The following OSBPL3 variants were observed in gnomAD, a reference collection of about 807,000 sequenced individuals.
The protein encoded by OSBPL3 is oxysterol binding protein like 3, also known as oxysterol-binding protein-related protein 3.
Under a neutral mutation model 120.1 loss-of-function variants are expected in OSBPL3, and 65 were observed. That is an observed-to-expected ratio of 0.54 (90% CI 0.44 to 0.67). The LOEUF is 0.67. Ranked by LOEUF, OSBPL3 falls within the 30% of genes least tolerant of loss-of-function variation. OSBPL3 has a pLI of 0.00. For synonymous variants in OSBPL3, 416 were observed against 402.6 expected, an observed-to-expected ratio of 1.03 and a Z score of -0.40; for missense variants, 1,004 against 1,082.1, an observed-to-expected ratio of 0.93 and a Z score of 1.01.
At chr7:24,878,195 C>G (rs1012838681) in intron 2 of OSBPL3, among the ~76,000 whole-genome samples, 4 of 152,216 alleles carry the variant, frequency 2.6e-5, no homozygotes, top group Admixed American at 1.3e-4. Flanking sequence ...TCCAGCACAG[C>G]TGTTTCCACA....
chr7:24,859,248 A>C (rs1273452144), intron 10 of OSBPL3, among the ~76,000 whole-genome samples: 2 of 152,174 alleles, frequency 1.3e-5, no homozygotes, highest in South Asian at 2.1e-4. Flanking sequence ...GTAGGAAAGG[A>C]AGGCAATAGA....
intron 22 of OSBPL3, among the ~76,000 whole-genome samples, chr7:24,801,279 A>G (rs576216666): frequency 7.3e-5 from 11 of 150,592 alleles, no homozygotes; most frequent in African/African-American, 2.7e-4. Flanking sequence ...ATTGAAAGCC[A>G]TAAGAGTCTG....
intron 1 of OSBPL3, among the ~76,000 whole-genome samples, chr7:24,951,961 A>G (rs935921106): frequency 2.2e-4 from 34 of 152,220 alleles, no homozygotes; most frequent in African/African-American, 8.0e-4. Flanking sequence ...TTTTATTCCA[A>G]CATGAATGAG....
rs1279755236 is a variant in OSBPL3 at position 24,855,229 on chromosome 7, G to T, written c.1028-2595C>A. Among the ~76,000 whole-genome samples the T allele has an allele frequency of 6.6e-6, 1 of 151,972 alleles. No individual in the cohort carries two copies. Among genetic ancestry groups the T allele is most frequent in the Non-Finnish European group, 1.5e-5 (1 of 67,998 alleles). On this transcript the variant is annotated intron_variant, in intron 10 of 22. Transcript: ENST00000313367. This position sits in a 1 kb window ranked among gnomAD's most constrained non-coding sequence, Gnocchi z 4.3. ...CAGGATGCCCATGGCCATCTCAGTGGGTCCCCTGGGGAGCTACCTCTCACT... is the reference window on the plus strand; with the variant it reads ...CAGGATGCCCATGGCCATCTCAGTGTGTCCCCTGGGGAGCTACCTCTCACT...
chr7:24,910,154 T>A (rs186206166), intron 1 of OSBPL3, among the ~76,000 whole-genome samples: 1 of 152,254 alleles, frequency 6.6e-6, no homozygotes, highest in East Asian at 1.9e-4. Flanking sequence ...TGGCCTGAAA[T>A]AATCCCAAAT....
At position 24,840,780 on chromosome 7, in the gene OSBPL3, A is replaced by T. The variant is rs369878781; in HGVS notation, c.1405T>A (p.Ser469Thr). The change falls in exon 14 of 23, where the codon TCT (serine) becomes ACT (threonine). Residue 469 changes from serine (S) to threonine (T), a missense_variant. Around this residue, in one of 4 missense-constraint regions of OSBPL3, gnomAD observed 473 missense variants for 568.0 expected, o/e 0.83. Transcript: ENST00000313367. ...LSPSSSENEI[S>T]DDDSYVSDIS... Reference sequence around the variant, plus strand: ...TCACTGACATATGAGTCATCATCAGAAATCTATGGGAAAGAAGAAATAACA... The same window carrying T: ...TCACTGACATATGAGTCATCATCAGTAATCTATGGGAAAGAAGAAATAACA... 1.5e-6 allele frequency: 2 copies of T among 1,354,368 alleles called. No homozygotes were observed. Among genetic ancestry groups the T allele is most frequent in the African/African-American group, 3.0e-5 (2 of 67,562 alleles). 83.9% of individuals were successfully genotyped at this position (1,354,368 alleles called of 1,614,324 possible). A position where few individuals can be genotyped will look rare whatever the true frequency, so the allele number is the denominator to read the frequency against.
At chr7:24,847,238 C>T (rs1798566281) in intron 12 of OSBPL3, among the ~76,000 whole-genome samples, 1 of 152,146 alleles carries the variant, frequency 6.6e-6, no homozygotes, top group Non-Finnish European at 1.5e-5. Flanking sequence ...AGTTTTCAGT[C>T]TGGGAGGCCA....
chr7:24,823,353 T>C (rs1795335351), intron 16 of OSBPL3, among the ~76,000 whole-genome samples: 1 of 151,410 alleles, frequency 6.6e-6, no homozygotes, highest in South Asian at 2.1e-4. Context: ...TACACTCATT[T>C]AAAAAATCAA....
At chr7:24,848,289 T>C (rs1219342008) in intron 12 of OSBPL3, among the ~76,000 whole-genome samples, 1 of 152,258 alleles carries the variant, frequency 6.6e-6, no homozygotes, top group East Asian at 1.9e-4. Flanking sequence ...ACACCTCTTG[T>C]CTATTACCTG....
In OSBPL3 at chr7:24,806,781, G is replaced by A. The variant is rs749943543; in HGVS notation, c.2439C>T (p.Asp813=). 1.9e-6 allele frequency: 3 copies of A among 1,613,258 alleles called. No individual in the cohort carries two copies. Among genetic ancestry groups the A allele is most frequent in the Admixed American group, 1.7e-5 (1 of 59,898 alleles). The change falls in exon 21 of 23, where the codon GAC becomes GAT. Residue 813 remains aspartate, a synonymous_variant. Transcript: ENST00000313367. This position sits in a 1 kb window ranked among gnomAD's most constrained non-coding sequence, Gnocchi z 5.2. Reference sequence around the variant, plus strand: ...AATCTTTAAAAAATCCTTACCTCTGGTCTGGCCTAAATCGAGTGTCAGTAG... The same window carrying A: ...AATCTTTAAAAAATCCTTACCTCTGATCTGGCCTAAATCGAGTGTCAGTAG... ...LPPTDTRFRP[D]QRFLEEGNLE... is the part of the protein sequence containing the mutation.
rs139394185 is a variant in OSBPL3, at chr7:24,938,639, GTTGTTTGTTTGT to G, written c.-150+41235_-150+41246del. On this transcript the variant is annotated intron_variant, in intron 1 of 22. Transcript: ENST00000313367. The surrounding 1 kb of genome is among the most constrained non-coding windows in gnomAD (Gnocchi z 5.8). ...CAAAAGGGTATACCTCCCAGCTGAA[GTTGTTTGTTTGT>G]TTGTTTGTTTGTTTTTAGGCTTCCT... 2.0e-5 allele frequency among the ~76,000 whole-genome samples: 3 copies of G among 151,928 alleles called. No homozygotes were observed. The highest frequency in any genetic ancestry group is 2.9e-5 in the Non-Finnish European group (2 of 67,980).
chr7:24,887,460 A>T (rs1003238678), intron 2 of OSBPL3, among the ~76,000 whole-genome samples: 3 of 152,206 alleles, frequency 2.0e-5, no homozygotes, highest in African/African-American at 7.2e-5. Flanking sequence ...TAATTATACC[A>T]GTTTCTTAAA....
chr7:24,966,981 T>C lies in OSBPL3; in HGVS notation c.-150+12905A>G, dbSNP rs1816460288. Among the ~76,000 whole-genome samples the C allele has an allele frequency of 6.6e-6, 1 of 152,172 alleles. No individual in the cohort carries two copies. Among genetic ancestry groups the C allele is most frequent in the Admixed American group, 6.5e-5 (1 of 15,290 alleles). ...AAACATCCCCTAAGTGACTAATACA[T>C]AAGATAAGCAATACACTGCCACACA... is the stretch of plus-strand genomic sequence containing the variant. On this transcript the variant is annotated intron_variant, in intron 1 of 22. Transcript: ENST00000313367. This position sits in a 1 kb window ranked among gnomAD's most constrained non-coding sequence, Gnocchi z 4.8.
rs1792769366 is a variant in OSBPL3, at chr7:24,804,394, G to A, written c.2488C>T (p.Gln830Ter). The change falls in exon 22 of 23, where the codon CAG (glutamine) becomes TAG (stop). Residue 830 changes from glutamine to a stop codon, truncating the protein, a stop_gained. Transcript: ENST00000313367. LOFTEE classifies it high-confidence loss of function. The surrounding 1 kb of genome is among the most constrained non-coding windows in gnomAD (Gnocchi z 5.4). ...GNLEEAEIQK[Q>*]RIEQLQRERR... ...TCTCTCTGCAGTTGTTCAATCCTCT[G>A]CTTTTGTATTTCAGCTTCTTCTAAG... 1.2e-6 allele frequency: 2 copies of A among 1,613,778 alleles called. No individual in the cohort carries two copies. The highest frequency in any genetic ancestry group is 8.5e-7 in the Non-Finnish European group (1 of 1,179,844).
chr7:24,839,205 A>G (rs1797387770), intron 14 of OSBPL3, among the ~76,000 whole-genome samples: 1 of 152,198 alleles, frequency 6.6e-6, no homozygotes, highest in African/African-American at 2.4e-5. Flanking sequence ...TGAGTATCCA[A>G]TGCATAGTGC....
intron 1 of OSBPL3, among the ~76,000 whole-genome samples, chr7:24,917,434 CATATATATATAT>C (rs751716988): frequency 4.9e-4 from 40 of 82,216 alleles, no homozygotes; most frequent in African/African-American, 1.5e-3. Context: ...ATATTTGTAA[CATATATATATAT>C]ACACACACAT....
At position 24,824,497 on chromosome 7, in the gene OSBPL3, C is replaced by G. The variant is rs114153757; in HGVS notation, c.1885-4259G>C. On this transcript the variant is annotated intron_variant, in intron 16 of 22. Coordinates refer to ENST00000313367, the MANE Select transcript of OSBPL3 (RefSeq NM_015550.4). This position sits in a 1 kb window ranked among gnomAD's most constrained non-coding sequence, Gnocchi z 4.9. ...GCATAACTATCCAGTCCTCCTAGGT[C>G]CTGATTTCCCTGCAGCAATACAGGG... 3.3e-3 allele frequency among the ~76,000 whole-genome samples: 499 copies of G among 152,280 alleles called. 4 individuals are homozygous for G. Among genetic ancestry groups the G allele is most frequent in the African/African-American group, 0.011 (462 of 41,554 alleles).
rs993966806 is a variant in OSBPL3, at chr7:24,820,317, C to CTGAG, written c.1885-83_1885-80dup. 1.9e-6 allele frequency: 2 copies of CTGAG among 1,056,156 alleles called. No individual in the cohort carries two copies. Among genetic ancestry groups the CTGAG allele is most frequent in the Non-Finnish European group, 2.9e-6 (2 of 689,714 alleles). 65.4% of individuals were successfully genotyped at this position (1,056,156 alleles called of 1,614,324 possible). ...TGAAATCCATTCTTTCTCCCCTGCA[C>CTGAG]TGAGATGTAACAGCGTGCAATGCTG... On this transcript the variant is annotated intron_variant, in intron 16 of 22. Coordinates refer to ENST00000313367, the MANE Select transcript of OSBPL3 (RefSeq NM_015550.4). This position sits in a 1 kb window ranked among gnomAD's most constrained non-coding sequence, Gnocchi z 4.6.
chr7:24,873,392 G>A lies in OSBPL3; in HGVS notation c.97-1323C>T, dbSNP rs1445531389. ...CCTGGTAATGAGAACCCTTTCCTAC[G>A]TTAGCAACTGAATTCTTTACATAAT... On this transcript the variant is annotated intron_variant, in intron 2 of 22. Transcript: ENST00000313367. The surrounding 1 kb of genome is among the most constrained non-coding windows in gnomAD (Gnocchi z 4.1). Among the ~76,000 whole-genome samples the A allele has an allele frequency of 2.6e-5, 4 of 152,198 alleles. No individual in the cohort carries two copies. Among genetic ancestry groups the A allele is most frequent in the Admixed American group, 1.3e-4 (2 of 15,284 alleles).
Sources: allele counts gnomAD v4.1 joint callset (sites outside exome capture counted in the v4.1 genomes callset), GRCh38; gene constraint gnomAD v4.1.1; regional missense constraint gnomAD v4.1.1; non-coding constraint Gnocchi (gnomAD v3.1); transcripts MANE v1.5; gene names NCBI Gene and HGNC (gene_info 2026-07-23, HGNC 2026-07-21).